The following CACNA2D3 variants were observed in gnomAD, a reference collection of about 807,000 sequenced individuals.
CACNA2D3 encodes the protein calcium voltage-gated channel auxiliary subunit alpha2delta 3.
CACNA2D3 carries 60 observed loss-of-function variants against 160.6 expected under a neutral mutation model. That is an observed-to-expected ratio of 0.37 (90% confidence interval 0.30 to 0.46). CACNA2D3 has a LOEUF of 0.46. Among genes scored for constraint, CACNA2D3 ranks in the 20% least tolerant of loss-of-function variants. The pLI, the probability that CACNA2D3 is intolerant of heterozygous loss-of-function variation, is 1.00. For missense variants in CACNA2D3, 1,205 were observed against 1,365.0 expected (o/e 0.88, Z 1.85); for synonymous variants, 558 against 492.9 (o/e 1.13, Z -1.75).
intron 4 of CACNA2D3, among the ~76,000 whole-genome samples, chr3:54,492,052 TACATG>T (rs575215910): frequency 3.9e-5 from 6 of 152,272 alleles, no homozygotes; most frequent in South Asian, 2.1e-4. Context: ...AGCTTTGCTC[TACATG>T]GTTACAGGAG....
chr3:54,822,781 T>C (rs1455496306), intron 14 of CACNA2D3, among the ~76,000 whole-genome samples: 2 of 83,494 alleles, frequency 2.4e-5, no homozygotes, highest in African/African-American at 1.0e-4. Context: ...TTTCTTTCTT[T>C]CTTTCTTTCC....
chr3:54,784,478 C>G lies in CACNA2D3; in HGVS notation c.1380+20127C>G, dbSNP rs374202062. Among the ~76,000 whole-genome samples, 26 of 152,194 alleles carry G rather than the reference C, an allele frequency of 1.7e-4. 1 individual carries two copies. Among genetic ancestry groups the G allele is most frequent in the Admixed American group, 1.1e-3 (17 of 15,290 alleles). On this transcript the variant is annotated intron_variant, in intron 13 of 37. Transcript: ENST00000474759. ...ATAACCGAACTCTGTTTTGCTCCCC[C>G]CAAATAGTCACTTTGTCTTATTAAA...
At chr3:54,468,619 C>A (rs1700672170) in intron 4 of CACNA2D3, among the ~76,000 whole-genome samples, 3 of 152,104 alleles carry the variant, frequency 2.0e-5, no homozygotes, top group Admixed American at 1.3e-4. Flanking sequence ...GTCAGGGAGC[C>A]AAGTGGTCTA....
chr3:55,021,699 ATATATATATGTGTGTG>A (rs1703459014), intron 35 of CACNA2D3, among the ~76,000 whole-genome samples: 1 of 139,436 alleles, frequency 7.2e-6, no homozygotes, highest in Non-Finnish European at 1.5e-5. Context: ...ATATGTGTGT[ATATATATATGTGTGTG>A]TATATATATA....
intron 27 of CACNA2D3, among the ~76,000 whole-genome samples, chr3:54,939,681 A>G (rs141029223): frequency 0.026 from 4,014 of 152,306 alleles, 81 homozygotes; most frequent in Admixed American, 0.039. Context: ...CACATTTGTC[A>G]TGGCTGTTTC....
chr3:54,593,240 T>C lies in CACNA2D3; in HGVS notation c.963+11363T>C, dbSNP rs532049770. ...CTAGATCCAGTATAATTTAACGTAA[T>C]TTGGCTCTAAATTACAAGAATAAAG... On this transcript the variant is annotated intron_variant, in intron 9 of 37. Coordinates refer to ENST00000474759, the MANE Select transcript of CACNA2D3 (RefSeq NM_018398.3). Among the ~76,000 whole-genome samples the C allele has an allele frequency of 9.8e-5, 15 of 152,310 alleles. 1 individual carries two copies. The South Asian group carries it at 2.7e-3, about 27-fold the overall frequency.
intron 2 of CACNA2D3, among the ~76,000 whole-genome samples, chr3:54,247,285 G>T (rs1185892869): frequency 2.0e-5 from 3 of 149,096 alleles, no homozygotes; most frequent in African/African-American, 2.4e-5. Flanking sequence ...TTGCACTTCA[G>T]CCTGGGCAAC....
chr3:54,783,531 G>A (rs558519421), intron 13 of CACNA2D3, among the ~76,000 whole-genome samples: 3 of 152,178 alleles, frequency 2.0e-5, no homozygotes, highest in East Asian at 1.9e-4. Context: ...ACTTGAACCC[G>A]GGAGGTGGAG....
In CACNA2D3 at chr3:54,930,519, G is replaced by A. The variant is rs561935049; in HGVS notation, c.2449+30651G>A. Reference sequence around the variant, plus strand: ...GGATCCAGATATCTTAGACTTGGGGGCCTGAAAATGATCAATCTATTGACA... The same window carrying A: ...GGATCCAGATATCTTAGACTTGGGGACCTGAAAATGATCAATCTATTGACA... On this transcript the variant is annotated intron_variant, in intron 27 of 37. Coordinates refer to ENST00000474759, the MANE Select transcript of CACNA2D3 (RefSeq NM_018398.3). Among the ~76,000 whole-genome samples the A allele has an allele frequency of 2.0e-5, 3 of 152,308 alleles. No homozygotes were observed. The South Asian group carries it at 6.2e-4, about 32-fold the overall frequency.
At chr3:54,616,395 T>C (rs1038106087) in intron 9 of CACNA2D3, among the ~76,000 whole-genome samples, 3 of 152,222 alleles carry the variant, frequency 2.0e-5, no homozygotes, top group Admixed American at 6.5e-5. Context: ...AGCAAAGCAG[T>C]TGGCTTCCTC....
At chr3:54,307,593 C>A (rs990705409) in intron 2 of CACNA2D3, among the ~76,000 whole-genome samples, 1 of 152,148 alleles carries the variant, frequency 6.6e-6, no homozygotes, top group Non-Finnish European at 1.5e-5. Context: ...AAGCTAGGGT[C>A]CAGCTGTGCC....
intron 4 of CACNA2D3, among the ~76,000 whole-genome samples, chr3:54,428,520 TAA>T (rs997171752): frequency 3.3e-5 from 5 of 152,024 alleles, no homozygotes; most frequent in Admixed American, 3.3e-4. Flanking sequence ...TTATGGATGT[TAA>T]AAAAAGTCTT....
chr3:54,406,240 C>A (rs1051842034), intron 4 of CACNA2D3, among the ~76,000 whole-genome samples: 1 of 152,054 alleles, frequency 6.6e-6, no homozygotes, highest in Non-Finnish European at 1.5e-5. Flanking sequence ...AAGATACCTG[C>A]AGTCACATGT....
At chr3:54,725,573 G>A (rs1701260695) in intron 11 of CACNA2D3, among the ~76,000 whole-genome samples, 1 of 152,152 alleles carries the variant, frequency 6.6e-6, no homozygotes, top group Non-Finnish European at 1.5e-5. Flanking sequence ...CCACAATCAA[G>A]TCAGCCTCAT....
intron 29 of CACNA2D3, among the ~76,000 whole-genome samples, chr3:54,980,671 T>C (rs193149369): frequency 6.6e-6 from 1 of 152,296 alleles, no homozygotes; most frequent in Admixed American, 6.5e-5. Flanking sequence ...GTCTGACTGT[T>C]TCCAGCATAA....
rs1251592415 is a variant in CACNA2D3 at position 54,736,074 on chromosome 3, C to CATACATACAT, written c.1168-16522_1168-16521insCATACATATA. Among the ~76,000 whole-genome samples the CATACATACAT allele has an allele frequency of 2.7e-4, 8 of 29,534 alleles. 1 individual carries two copies. The South Asian group carries it at 3.4e-3, about 12-fold the overall frequency. 19.4% of individuals were successfully genotyped at this position (29,534 alleles called of 152,430 possible). The stretch of plus-strand genomic sequence containing the variant: ...ATACATATGTATGTATATATATATA[C>CATACATACAT]ATATATATGTATGTGTATATATATA... On this transcript the variant is annotated intron_variant, in intron 11 of 37. Transcript: ENST00000474759.
chr3:54,931,531 G>A (rs2106957278), intron 27 of CACNA2D3, among the ~76,000 whole-genome samples: 1 of 152,296 alleles, frequency 6.6e-6, no homozygotes, highest in East Asian at 1.9e-4. Context: ...ACCAAGGAGA[G>A]ATGCTGAATG....
At chr3:54,188,228 AAAACAAACAAAC>A (rs138439909) in intron 2 of CACNA2D3, among the ~76,000 whole-genome samples, 81,004 of 150,202 alleles carry the variant, frequency 0.54, 21,980 homozygotes, top group East Asian at 0.64. Context: ...GGAGAACTTA[AAAACAAACAAAC>A]AAACAAACAA....
At chr3:55,009,044 G>A (rs1238471581) in intron 33 of CACNA2D3, among the ~76,000 whole-genome samples, 1 of 152,096 alleles carries the variant, frequency 6.6e-6, no homozygotes, top group Non-Finnish European at 1.5e-5. Context: ...GGGAAGAGAA[G>A]CTTATTAGAA....
Sources: gnomAD v4.1 joint callset for allele counts (sites outside exome capture counted in the v4.1 genomes callset) on GRCh38, gnomAD v4.1.1 for gene constraint, MANE v1.5 for transcripts, NCBI Gene and HGNC (gene_info 2026-07-23, HGNC 2026-07-21) for gene names.